Variants in PDE11A observed in about 807,000 individuals in gnomAD.
The protein encoded by PDE11A is phosphodiesterase 11A.
A neutral mutation model predicts 100.5 loss-of-function variants in PDE11A; 100 were observed. That is an observed-to-expected ratio of 1.00 (90% CI 0.85 to 1.18). The LOEUF (loss-of-function observed/expected upper bound fraction) is 1.18. PDE11A is among the 50% of genes most tolerant of loss of function. PDE11A has a pLI of 0.00. For missense variants in PDE11A, 1,141 were observed against 1,152.6 expected (o/e 0.99, Z 0.15); for synonymous variants, 381 against 420.8 (o/e 0.91, Z 1.16).
intron 2 of PDE11A, among the ~76,000 whole-genome samples, chr2:177,945,488 G>C (rs928884845): frequency 1.4e-5 from 2 of 143,378 alleles, no homozygotes; most frequent in Non-Finnish European, 3.1e-5. Context: ...TCTGGGATGT[G>C]AGGAGGCCTC....
At chr2:177,640,345 A>G in intron 19 of PDE11A, among the ~76,000 whole-genome samples, 1 of 152,196 alleles carries the variant, frequency 6.6e-6, no homozygotes, top group Non-Finnish European at 1.5e-5. Context: ...GGAAGTTGGT[A>G]TTTTGAAATG....
At chr2:178,012,809 A>C (rs2086287496) in intron 2 of PDE11A, among the ~76,000 whole-genome samples, 1 of 152,218 alleles carries the variant, frequency 6.6e-6, no homozygotes, top group African/African-American at 2.4e-5. Flanking sequence ...ATCTGTGTAC[A>C]AACTGAACTG....
chr2:177,757,308 C>T (rs1463021455), intron 10 of PDE11A, among the ~76,000 whole-genome samples: 1 of 152,134 alleles, frequency 6.6e-6, no homozygotes, highest in African/African-American at 2.4e-5. Context: ...GCAGCATGAA[C>T]CAAGGTCTCC....
intron 2 of PDE11A, among the ~76,000 whole-genome samples, chr2:177,999,468 C>T (rs759845840): frequency 7.2e-5 from 11 of 152,188 alleles, no homozygotes; most frequent in Admixed American, 2.0e-4. Flanking sequence ...ATTAAAGCTT[C>T]GAAAAATTAA....
intron 2 of PDE11A, among the ~76,000 whole-genome samples, chr2:178,086,456 T>C (rs1411077979): frequency 6.6e-6 from 1 of 152,188 alleles, no homozygotes; most frequent in Admixed American, 6.5e-5. Flanking sequence ...AATAAACTAA[T>C]GAATGGTAAT....
rs1404186264 is a variant in PDE11A, at chr2:177,832,054, G to A, written c.1500+8197C>T. Among the ~76,000 whole-genome samples the A allele has an allele frequency of 3.3e-5, 5 of 152,216 alleles. No individual in the cohort carries two copies. In the East Asian group the frequency reaches 9.6e-4, roughly 29 times the overall value. On this transcript the variant is annotated intron_variant, in intron 6 of 19. Transcript: ENST00000286063. ...CACGAATGTCAGGTGACCATCAGGT[G>A]ATGGTCAGGTGGTTGTTAAACTGTC... is the stretch of plus-strand genomic sequence containing the variant.
chr2:177,971,352 T>C (rs1456117748), intron 2 of PDE11A, among the ~76,000 whole-genome samples: 1 of 152,176 alleles, frequency 6.6e-6, no homozygotes, highest in East Asian at 1.9e-4. Context: ...TAGGTTTACA[T>C]ATGTGGATAT....
chr2:177,958,002 C>CTATT, intron 2 of PDE11A, among the ~76,000 whole-genome samples: 2 of 149,528 alleles, frequency 1.3e-5, no homozygotes, highest in Middle Eastern at 7.1e-3. Context: ...CAGGTTCAAG[C>CTATT]TATTCCCCTG....
chr2:178,063,398 G>T (rs2086997622), intron 1 of PDE11A, among the ~76,000 whole-genome samples: 7 of 152,148 alleles, frequency 4.6e-5, no homozygotes, highest in Admixed American at 4.6e-4. Flanking sequence ...AGAAATGACT[G>T]TCATGAAGAA....
At chr2:177,685,708 C>T (rs553472758) in intron 15 of PDE11A, among the ~76,000 whole-genome samples, 1 of 152,150 alleles carries the variant, frequency 6.6e-6, no homozygotes, top group Admixed American at 6.5e-5. Context: ...GCTGGGATTA[C>T]AGGCATGCAC....
chr2:178,019,230 C>T (rs565658443), intron 1 of PDE11A, among the ~76,000 whole-genome samples: 1 of 152,206 alleles, frequency 6.6e-6, no homozygotes, highest in Non-Finnish European at 1.5e-5. Context: ...TGATATCTCA[C>T]ACTACTAATT....
At chr2:178,016,131 A>ATTTTTTTTTT (rs55638601) in intron 1 of PDE11A, among the ~76,000 whole-genome samples, 67 of 83,740 alleles carry the variant, frequency 8.0e-4, no homozygotes, top group African/African-American at 9.3e-4. Context: ...TGCCTGGCTA[A>ATTTTTTTTTT]TTTTTTTTTT....
intron 10 of PDE11A, among the ~76,000 whole-genome samples, chr2:177,755,927 AG>A (rs1482547462): frequency 6.6e-6 from 1 of 152,218 alleles, no homozygotes; most frequent in African/African-American, 2.4e-5. Context: ...GGAATCACCA[AG>A]TGGCTCTGAG....
chr2:177,875,750 T>C (rs1213973006), intron 5 of PDE11A, 109 bp downstream of exon 5: 7 of 767,248 alleles, frequency 9.1e-6, no homozygotes, highest in Admixed American at 1.9e-5. Context: ...CGATATTTGG[T>C]TGTGCTTGCT....
chr2:178,107,346 T>C (rs560445030), intron 1 of PDE11A, among the ~76,000 whole-genome samples: 12 of 151,080 alleles, frequency 7.9e-5, no homozygotes, highest in African/African-American at 2.9e-4. Context: ...CCTATAATCA[T>C]TTGGCACTCT....
At chr2:177,660,057 T>TCTTTC (rs746571370) in intron 19 of PDE11A, among the ~76,000 whole-genome samples, 2,558 of 14,450 alleles carry the variant, frequency 0.18, 283 homozygotes, top group East Asian at 0.51. Context: ...CTTTCTTTCT[T>TCTTTC]TCTTTCTTTC....
chr2:178,052,604 GAT>G (rs1474958293), intron 1 of PDE11A, among the ~76,000 whole-genome samples: 1 of 152,022 alleles, frequency 6.6e-6, no homozygotes, highest in Non-Finnish European at 1.5e-5. Flanking sequence ...CAACAAAATT[GAT>G]AGACTGCTAG....
At chr2:178,044,817 A>G (rs1324165211) in intron 1 of PDE11A, among the ~76,000 whole-genome samples, 1 of 152,218 alleles carries the variant, frequency 6.6e-6, no homozygotes, top group Non-Finnish European at 1.5e-5. Context: ...TAGAAACATT[A>G]GAAACTCTCC....
chr2:177,782,178 A>G (rs2082463681), intron 9 of PDE11A, among the ~76,000 whole-genome samples: 1 of 152,190 alleles, frequency 6.6e-6, no homozygotes, highest in African/African-American at 2.4e-5. Context: ...CCAGAGGATA[A>G]CATATCTTGT....
Sources: gnomAD v4.1 joint callset for allele counts (sites outside exome capture counted in the v4.1 genomes callset) on GRCh38, gnomAD v4.1.1 for gene constraint, MANE v1.5 for transcripts, NCBI Gene and HGNC (gene_info 2026-07-23, HGNC 2026-07-21) for gene names.